CACNA1E: variants seen among roughly 807,000 people sequenced by gnomAD.
CACNA1E encodes voltage-dependent R-type calcium channel subunit alpha-1E.
CACNA1E carries 40 observed loss-of-function variants against 259.2 expected under a neutral mutation model. That is an observed-to-expected ratio of 0.15 (90% CI 0.12 to 0.20). The LOEUF (loss-of-function observed/expected upper bound fraction) is 0.20. Among genes scored for constraint, CACNA1E ranks in the 10% least tolerant of loss-of-function variants. CACNA1E has a pLI of 1.00. For synonymous variants in CACNA1E, 1,104 were observed against 1,138.5 expected (o/e 0.97, Z 0.61); for missense variants, 1,874 against 3,040.1 (o/e 0.62, Z 9.02).
intron 1 of CACNA1E, 44 bp downstream of exon 1, chr1:181,484,054 T>C: frequency 6.3e-7 from 1 of 1,581,880 alleles, no homozygotes; most frequent in Non-Finnish European, 8.7e-7. Flanking sequence ...CCCTTTGCAT[T>C]TCTTCGGGTG....
At chr1:181,399,776 A>G (rs1382454561) in intron 1 of CACNA1E, among the ~76,000 whole-genome samples, 10 of 152,232 alleles carry the variant, frequency 6.6e-5, no homozygotes, top group Non-Finnish European at 4.4e-5. Flanking sequence ...GTGACTTGTT[A>G]GATGTTTCCC....
At position 181,803,461 on chromosome 1, in the gene CACNA1E, T is replaced by C. The variant is rs1051682346; in HGVS notation, c.*4627T>C. The C allele has an allele frequency of 1.3e-5, 2 of 152,258 alleles. No individual in the cohort carries two copies. Among genetic ancestry groups the C allele is most frequent in the African/African-American group, 4.8e-5 (2 of 41,462 alleles). 9.4% of individuals were successfully genotyped at this position (152,258 alleles called of 1,614,324 possible). A position where few individuals can be genotyped will look rare whatever the true frequency, so the allele number is the denominator to read the frequency against. On this transcript the variant is annotated 3_prime_UTR_variant, in exon 48 of 48. Coordinates refer to ENST00000367573, the MANE Select transcript of CACNA1E (RefSeq NM_001205293.3). Reference sequence around the variant, plus strand: ...AAAGAGATCCTACATTAATAAGCACTGCCTGTAGCACCAGCTTTGTCTTTT... The same window carrying C: ...AAAGAGATCCTACATTAATAAGCACCGCCTGTAGCACCAGCTTTGTCTTTT...
intron 8 of CACNA1E, among the ~76,000 whole-genome samples, chr1:181,714,629 C>T (rs1461513286): frequency 6.6e-6 from 1 of 152,184 alleles, no homozygotes; most frequent in Non-Finnish European, 1.5e-5. Context: ...ATCCAGGGCC[C>T]CTCTCTCCTC....
In CACNA1E at chr1:181,720,221, A is replaced by T; in HGVS notation, c.1767A>T (p.Leu589=). ...IFKITKYWAS[L]RNLVVSLMSS... ...GGTTTTGTAGGTATTGGGCTTCCCT[A>T]CGGAATTTGGTGGTCTCCTTGATGA... is the stretch of plus-strand genomic sequence containing the variant. The change falls in exon 14 of 48, where the codon CTA becomes CTT. Residue 589 remains leucine, a synonymous_variant. Coordinates refer to ENST00000367573, the MANE Select transcript of CACNA1E (RefSeq NM_001205293.3). 2 of 1,613,944 alleles carry T rather than the reference A, an allele frequency of 1.2e-6. No individual in the cohort carries two copies. Among genetic ancestry groups the T allele is most frequent in the Non-Finnish European group, 1.7e-6 (2 of 1,179,872 alleles).
At chr1:181,569,937 G>T (rs1650238579) in intron 3 of CACNA1E, among the ~76,000 whole-genome samples, 1 of 152,170 alleles carries the variant, frequency 6.6e-6, no homozygotes, top group South Asian at 2.1e-4. Context: ...GTAATTGGGA[G>T]TTAAACATAG....
At chr1:181,481,195 A>G (rs142131635), upstream of CACNA1E, among the ~76,000 whole-genome samples, 34 of 152,296 alleles carry the variant, frequency 2.2e-4, no homozygotes, top group African/African-American at 8.2e-4. Flanking sequence ...AATCAAAGTA[A>G]CAATTACAGC....
At position 181,505,332 on chromosome 1, in the gene CACNA1E, C is replaced by T. The variant is rs540298; in HGVS notation, c.267-5145C>T. Among the ~76,000 whole-genome samples, 889 of 152,130 alleles carry T rather than the reference C, an allele frequency of 5.8e-3. 8 individuals are homozygous for T. Among genetic ancestry groups the T allele is most frequent in the African/African-American group, 0.02 (832 of 41,512 alleles). On this transcript the variant is annotated intron_variant, in intron 1 of 47. Transcript: ENST00000367573. ...GAGAGAAGACTCATCATCCTTCCAG[C>T]AAGACAGAATTTTTTCTTGTTCTCT...
intron 7 of CACNA1E, among the ~76,000 whole-genome samples, chr1:181,704,833 A>G (rs1652636826): frequency 1.3e-5 from 2 of 152,124 alleles, no homozygotes; most frequent in Admixed American, 1.3e-4. Context: ...AGGCTAAAAC[A>G]TGAGTCAAGC....
At chr1:181,578,937 C>T in intron 4 of CACNA1E, 135 bp from the exon 5 acceptor site, 2 of 684,472 alleles carry the variant, frequency 2.9e-6, no homozygotes, top group Non-Finnish European at 4.6e-6. Flanking sequence ...AGGAAAGGAG[C>T]ACATTCTAAT....
At chr1:181,441,074 A>G (rs1660442497) in intron 2 of CACNA1E, among the ~76,000 whole-genome samples, 2 of 146,626 alleles carry the variant, frequency 1.4e-5, no homozygotes, top group Admixed American at 1.4e-4. Flanking sequence ...CCTAGGGGCT[A>G]TGTCAAATCT....
In CACNA1E at chr1:181,642,632, A is replaced by G. The variant is rs574393000; in HGVS notation, c.952-8706A>G. ...AATCTCTCATCAGCAAGCCCTGTAG[A>G]AGGGGCAAAGGGGTGATGCACTTTA... On this transcript the variant is annotated intron_variant, in intron 6 of 47. Transcript: ENST00000367573. Among the ~76,000 whole-genome samples the G allele has an allele frequency of 3.9e-5, 6 of 152,324 alleles. No homozygotes were observed. In the South Asian group the frequency reaches 1.2e-3, roughly 32 times the overall value.
At chr1:181,390,125 G>A (rs539221304) in intron 1 of CACNA1E, among the ~76,000 whole-genome samples, 2 of 152,272 alleles carry the variant, frequency 1.3e-5, no homozygotes, top group South Asian at 2.1e-4. Context: ...GTGCCCCTGA[G>A]CCTAGGCAGG....
intron 3 of CACNA1E, among the ~76,000 whole-genome samples, chr1:181,572,464 T>G (rs1251470516): frequency 6.6e-6 from 1 of 152,168 alleles, no homozygotes; most frequent in Non-Finnish European, 1.5e-5. Flanking sequence ...TTATTGAACT[T>G]GACTGTGTGC....
Position 181,794,919 on chromosome 1 carries a change from G to A in CACNA1E, c.6083G>A (p.Arg2028His), listed in dbSNP as rs1014152863. 1.1e-5 allele frequency: 17 copies of A among 1,613,768 alleles called. No individual in the cohort carries two copies. The highest frequency in any genetic ancestry group is 3.3e-5 in the Admixed American group (2 of 59,992). ...RRSFSTIRDK[R>H]SNSSWLEEFS... ...TCATTTTCCACTATTCGGGATAAGC[G>A]TTCAAATTCCTCGTGGTTGGAGGAA... The change falls in exon 46 of 48, where the codon CGT (arginine) becomes CAT (histidine). Residue 2028 changes from arginine to histidine, a missense_variant. Arg to His is a conservative substitution (Grantham distance 29). Around this residue, in one of 14 missense-constraint regions of CACNA1E, gnomAD observed 542 missense variants for 587.2 expected, o/e 0.92. Coordinates refer to ENST00000367573, the MANE Select transcript of CACNA1E (RefSeq NM_001205293.3).
chr1:181,758,778 C>T lies in CACNA1E; in HGVS notation c.4515C>T (p.Thr1505=), dbSNP rs753384637. 1 of 1,602,846 alleles carries T rather than the reference C, an allele frequency of 6.2e-7. No homozygotes were observed. Among genetic ancestry groups the T allele is most frequent in the East Asian group, 2.2e-5 (1 of 44,842 alleles). Residue 1505 remains threonine, a synonymous_variant, in exon 32 of 48, where the codon ACC becomes ACT. Coordinates refer to ENST00000367573, the MANE Select transcript of CACNA1E (RefSeq NM_001205293.3). The surrounding 1 kb of genome is among the most constrained non-coding windows in gnomAD (Gnocchi z 4.2). ...LMMKYYSAPC[T]YELALKYLNI... ...GGCAGTATTATTCTGCTCCCTGTAC[C>T]TATGAGCTGGCCCTGAAGTACCTGA...
intron 1 of CACNA1E, among the ~76,000 whole-genome samples, chr1:181,360,962 G>A (rs543840199): frequency 6.6e-6 from 1 of 152,294 alleles, no homozygotes; most frequent in Admixed American, 6.5e-5. Flanking sequence ...AACCTGTGGG[G>A]AGAGTGACTC....
intron 21 of CACNA1E, among the ~76,000 whole-genome samples, chr1:181,734,140 T>A (rs12139677): frequency 1.3e-5 from 2 of 151,888 alleles, no homozygotes; most frequent in South Asian, 2.1e-4. Context: ...ATGGCTCTGC[T>A]CACTGAGTGA....
At chr1:181,358,150 G>A (rs1653597512) in intron 1 of CACNA1E, among the ~76,000 whole-genome samples, 1 of 152,156 alleles carries the variant, frequency 6.6e-6, no homozygotes, top group South Asian at 2.1e-4. Flanking sequence ...CGGGTCCACA[G>A]CTAGCTCTCT....
At chr1:181,576,350 T>C (rs918054612) in intron 3 of CACNA1E, among the ~76,000 whole-genome samples, 15 of 152,296 alleles carry the variant, frequency 9.8e-5, no homozygotes, top group Admixed American at 9.2e-4. Context: ...TTGGGAAGGG[T>C]GCCAGCACAT....
Sources: allele counts gnomAD v4.1 joint callset (sites outside exome capture counted in the v4.1 genomes callset), GRCh38; gene constraint gnomAD v4.1.1; regional missense constraint gnomAD v4.1.1; non-coding constraint Gnocchi (gnomAD v3.1); transcripts MANE v1.5; gene names NCBI Gene and HGNC (gene_info 2026-07-23, HGNC 2026-07-21).